Variants in TTLL7 observed in about 807,000 individuals in gnomAD.
The protein encoded by TTLL7 is tubulin polyglutamylase TTLL7.
In TTLL7, 53 loss-of-function variants were observed where a neutral mutation model predicts 120.2. The observed-to-expected ratio is 0.44, with a 90% confidence interval of 0.35 to 0.55. The LOEUF (loss-of-function observed/expected upper bound fraction) is 0.55, where lower values mean the gene tolerates loss of function less well. TTLL7 is among the 20% of genes least tolerant of loss of function. The pLI, the probability that TTLL7 is intolerant of heterozygous loss-of-function variation, is 0.00. For synonymous variants in TTLL7, 353 were observed against 351.7 expected, an observed-to-expected ratio of 1.00 and a Z score of -0.04; for missense variants, 803 against 1,054.7, an observed-to-expected ratio of 0.76 and a Z score of 3.31.
chr1:83,960,682 T>C (rs780835784), intron 1 of TTLL7, among the ~76,000 whole-genome samples: 2 of 152,100 alleles, frequency 1.3e-5, no homozygotes, highest in South Asian at 2.1e-4. Context: ...TCTACTTTTA[T>C]AGGTAAAATG....
chr1:83,973,735 T>C (rs1161734787), intron 1 of TTLL7, among the ~76,000 whole-genome samples: 1 of 152,086 alleles, frequency 6.6e-6, no homozygotes, highest in African/African-American at 2.4e-5. Context: ...TCTTTGATTT[T>C]GCTCATCAGA....
At chr1:83,931,556 A>G (rs973346166) in intron 9 of TTLL7, among the ~76,000 whole-genome samples, 5 of 152,144 alleles carry the variant, frequency 3.3e-5, no homozygotes, top group Non-Finnish European at 5.9e-5. Context: ...ACTAGTACTT[A>G]TAACTATTAC....
chr1:83,869,800 A>T lies in TTLL7; in HGVS notation c.*162T>A. ...TCTTTCATATATCATTTAATATAAT[A>T]AATATATGTTATTAGGGTGCATATG... On this transcript the variant is annotated 3_prime_UTR_variant, in exon 21 of 21. Transcript: ENST00000260505. 1 of 495,470 alleles carries T rather than the reference A, an allele frequency of 2.0e-6. No individual in the cohort carries two copies. 30.7% of individuals were successfully genotyped at this position (495,470 alleles called of 1,614,324 possible).
intron 1 of TTLL7, among the ~76,000 whole-genome samples, chr1:83,992,442 GA>G (rs61667840): frequency 0.48 from 71,865 of 148,856 alleles, 18,132 homozygotes; most frequent in Non-Finnish European, 0.57. Context: ...ATACTCTAAA[GA>G]AAAAAAAAAC....
intron 1 of TTLL7, among the ~76,000 whole-genome samples, chr1:83,990,661 T>C (rs1452571344): frequency 2.0e-5 from 3 of 152,202 alleles, no homozygotes; most frequent in African/African-American, 7.2e-5. Context: ...AATATCATAT[T>C]GCACCCATTA....
intron 3 of TTLL7, among the ~76,000 whole-genome samples, chr1:83,950,245 A>C (rs1648917190): frequency 6.6e-6 from 1 of 152,104 alleles, no homozygotes; most frequent in Non-Finnish European, 1.5e-5. Context: ...AAAACTGCCA[A>C]AGGGTTTAGT....
chr1:83,978,859 T>G (rs955010682), intron 1 of TTLL7, among the ~76,000 whole-genome samples: 15 of 152,162 alleles, frequency 9.9e-5, no homozygotes, highest in African/African-American at 3.4e-4. Flanking sequence ...TCAAAATAGT[T>G]ATGGAGCGTG....
At chr1:83,988,133 G>C (rs1285452519) in intron 1 of TTLL7, among the ~76,000 whole-genome samples, 1 of 152,212 alleles carries the variant, frequency 6.6e-6, no homozygotes, top group Non-Finnish European at 1.5e-5. Flanking sequence ...AGAACATGCA[G>C]TATTTGGTTA....
rs143741135 is a variant in TTLL7 at position 83,892,952 on chromosome 1, A to AAGAAAGAAAGAAAGAAAGAAAG, written c.2209-2472_2209-2471insCTTTCTTTCTTTCTTTCTTTCT. On this transcript the variant is annotated intron_variant, in intron 18 of 20. Coordinates refer to ENST00000260505, the MANE Select transcript of TTLL7 (RefSeq NM_024686.6). ...AGAGAAAGAAAGAAAGAAAGAAAGA[A>AAGAAAGAAAGAAAGAAAGAAAG]AAGAATAAAAGAAAGAAAGAGAAAA... is the stretch of plus-strand genomic sequence containing the variant. Among the ~76,000 whole-genome samples the AAGAAAGAAAGAAAGAAAGAAAG allele has an allele frequency of 3.0e-3, 386 of 129,058 alleles. 12 individuals carry two copies. The highest frequency in any genetic ancestry group is 0.012 in the African/African-American group (369 of 29,868). The allele number at this position is 129,058 out of a possible 152,430, so 84.7% of individuals were successfully genotyped here. A position where few individuals can be genotyped will look rare whatever the true frequency, so the allele number is the denominator to read the frequency against.
Position 83,928,339 on chromosome 1 carries a change from A to T in TTLL7, c.1142+797T>A, listed in dbSNP as rs377543925. On this transcript the variant is annotated intron_variant, in intron 10 of 20. Transcript: ENST00000260505. ...TGAAATCATAAAATCACTGAGCTTA[A>T]ATCACCTCAGAGGCCCTTTAATCCA... Among the ~76,000 whole-genome samples, 66 of 152,278 alleles carry T rather than the reference A, an allele frequency of 4.3e-4. 1 individual carries two copies. The South Asian group carries it at 0.013, about 30-fold the overall frequency.
intron 7 of TTLL7, 79 bp downstream of exon 7, chr1:83,942,384 T>C: frequency 3.4e-6 from 4 of 1,181,834 alleles, no homozygotes; most frequent in Middle Eastern, 2.0e-4. Flanking sequence ...ATTCATACAA[T>C]CTATATGCCT....
chr1:83,929,662 A>G (rs1659427468), intron 9 of TTLL7, among the ~76,000 whole-genome samples: 1 of 152,198 alleles, frequency 6.6e-6, no homozygotes, highest in South Asian at 2.1e-4. Flanking sequence ...TATATTTAAA[A>G]TATGGAAACT....
chr1:83,953,442 C>T (rs10493742), intron 1 of TTLL7, among the ~76,000 whole-genome samples: 6,378 of 152,016 alleles, frequency 0.042, 161 homozygotes, highest in Middle Eastern at 0.099. Context: ...CTACATAAAA[C>T]GTGAGTCCTA....
intron 9 of TTLL7, among the ~76,000 whole-genome samples, chr1:83,929,972 G>T (rs114236061): frequency 6.6e-6 from 1 of 152,090 alleles, no homozygotes; most frequent in African/African-American, 2.4e-5. Context: ...CACCACAAGA[G>T]ACAAAACAAT....
intron 15 of TTLL7, among the ~76,000 whole-genome samples, chr1:83,909,129 C>T (rs534898604): frequency 7.9e-5 from 12 of 151,508 alleles, no homozygotes; most frequent in Admixed American, 4.6e-4. Flanking sequence ...AGAAAATACC[C>T]AAGGCATGTG....
In TTLL7 at chr1:83,866,677, G is replaced by T. The variant is rs1464903680; in HGVS notation, c.*3285C>A. Reference sequence around the variant, plus strand: ...CTATGTTCTAGGCAGAGTTACCATTGCCATTTCCATATTTGATCCTGTTAC... The same window carrying T: ...CTATGTTCTAGGCAGAGTTACCATTTCCATTTCCATATTTGATCCTGTTAC... On this transcript the variant is annotated 3_prime_UTR_variant, in exon 21 of 21. Transcript: ENST00000260505. 2 of 151,838 alleles carry T rather than the reference G, an allele frequency of 1.3e-5. No individual in the cohort carries two copies. Among genetic ancestry groups the T allele is most frequent in the South Asian group, 4.1e-4 (2 of 4,822 alleles). 9.4% of individuals were successfully genotyped at this position (151,838 alleles called of 1,614,324 possible). A position where few individuals can be genotyped will look rare whatever the true frequency, so the allele number is the denominator to read the frequency against.
In TTLL7 at chr1:83,906,438, G is replaced by C; in HGVS notation, c.2018C>G (p.Thr673Arg). Residue 673 changes from threonine (T) to arginine (R), a missense_variant, in exon 17 of 21, where the codon ACA (threonine) becomes AGA (arginine). By Grantham distance (71) the Thr-to-Arg change is moderately conservative (BLOSUM62 -1). Coordinates refer to ENST00000260505, the MANE Select transcript of TTLL7 (RefSeq NM_024686.6). ...QVSESLRQLK[T>R]KEQEDDLTSQ... ...TGTTAGATCATCTTCTTGTTCTTTT[G>C]TTTTCAGTTGCCGCAAAGACTCACT... 1 of 1,611,914 alleles carries C rather than the reference G, an allele frequency of 6.2e-7. No individual in the cohort carries two copies. Among genetic ancestry groups the C allele is most frequent in the Non-Finnish European group, 8.5e-7 (1 of 1,178,830 alleles).
intron 18 of TTLL7, among the ~76,000 whole-genome samples, chr1:83,903,130 T>C (rs986413973): frequency 4.6e-5 from 7 of 152,022 alleles, no homozygotes; most frequent in African/African-American, 1.7e-4. Context: ...TAAAACCCAG[T>C]ATCTTTCCAT....
intron 19 of TTLL7, among the ~76,000 whole-genome samples, chr1:83,883,369 A>G (rs9645397): frequency 0.042 from 6,345 of 152,000 alleles, 158 homozygotes; most frequent in Middle Eastern, 0.099. Context: ...GTGTTTGTGC[A>G]TGTGGGTGTG....
Sources: allele counts gnomAD v4.1 joint callset (sites outside exome capture counted in the v4.1 genomes callset), GRCh38; gene constraint gnomAD v4.1.1; transcripts MANE v1.5; gene names NCBI Gene and HGNC (gene_info 2026-07-23, HGNC 2026-07-21).